PDGFRB: variants seen among roughly 807,000 people sequenced by gnomAD.
PDGFRB encodes the protein platelet-derived growth factor receptor beta.
In PDGFRB, 42 loss-of-function variants were observed where a neutral mutation model predicts 120.2. That is an observed-to-expected ratio of 0.35 (90% confidence interval 0.27 to 0.45). The LOEUF is 0.45. Ranked by LOEUF, PDGFRB falls within the 20% of genes least tolerant of loss-of-function variation. The pLI is 1.00. For synonymous variants in PDGFRB, 586 were observed against 606.8 expected (o/e 0.97, Z 0.50); for missense variants, 1,149 against 1,476.3 (o/e 0.78, Z 3.63).
intron 1 of PDGFRB, among the ~76,000 whole-genome samples, chr5:150,141,583 C>T (rs184272267): frequency 2.0e-5 from 3 of 152,230 alleles, no homozygotes; most frequent in East Asian, 1.9e-4. Context: ...CTCTGACCAA[C>T]GTGCATGTTT....
At chr5:150,150,792 C>G (rs894769347) in intron 1 of PDGFRB, among the ~76,000 whole-genome samples, 5 of 152,156 alleles carry the variant, frequency 3.3e-5, no homozygotes, top group Non-Finnish European at 7.3e-5. Context: ...CCATTCCCCC[C>G]CTCACCTCTG....
At chr5:150,144,152 C>T (rs970735052) in intron 1 of PDGFRB, among the ~76,000 whole-genome samples, 2 of 152,106 alleles carry the variant, frequency 1.3e-5, no homozygotes, top group Admixed American at 1.3e-4. Flanking sequence ...AGCACAGGCT[C>T]GGCTGCCTCT....
At position 150,132,030 on chromosome 5, in the gene PDGFRB, C is replaced by T. The variant is rs1201443547; in HGVS notation, c.1192G>A (p.Ala398Thr). The T allele has an allele frequency of 1.2e-6, 2 of 1,611,848 alleles. No individual in the cohort carries two copies. Among genetic ancestry groups the T allele is most frequent in the African/African-American group, 2.7e-5 (2 of 74,848 alleles). The change falls in exon 8 of 23, where the codon GCC becomes ACC. Residue 398 changes from alanine (A) to threonine (T), a missense_variant. Ala to Thr is a moderately conservative substitution (Grantham distance 58). This residue lies in a region of PDGFRB where 879 missense variants were observed against 1,108.6 expected (regional missense o/e 0.79). Transcript: ENST00000261799. This position sits in a 1 kb window ranked among gnomAD's most constrained non-coding sequence, Gnocchi z 5.0. Reference sequence around the variant, plus strand: ...TGGACCTCAGCATCCTCATGGAAGGCCCGCATGGTGTAGTGGCCAGCCTCT... The same window carrying T: ...TGGACCTCAGCATCCTCATGGAAGGTCCGCATGGTGTAGTGGCCAGCCTCT... ...VAEAGHYTMR[A>T]FHEDAEVQLS...
chr5:150,133,283 T>C (rs191066635), intron 6 of PDGFRB, among the ~76,000 whole-genome samples: 3 of 152,178 alleles, frequency 2.0e-5, no homozygotes, highest in African/African-American at 7.2e-5. Context: ...GGAAGTCAGG[T>C]TGGGGCTGGG....
At chr5:150,117,334 A>AT in intron 22 of PDGFRB, among the ~76,000 whole-genome samples, 1 of 152,164 alleles carries the variant, frequency 6.6e-6, no homozygotes. Context: ...ATAAGAGAGT[A>AT]TAGATAACCT....
chr5:150,138,401 C>G (rs1580813491), intron 1 of PDGFRB, among the ~76,000 whole-genome samples: 1 of 152,344 alleles, frequency 6.6e-6, no homozygotes, highest in Admixed American at 6.5e-5. Context: ...AAGTCCCCAG[C>G]TCTGGAAGTG....
rs1403990512 is a variant in PDGFRB at position 150,123,050 on chromosome 5, G to T, written c.2175C>A (p.Pro725=). ...LYSNALPVGL[P]LPSHVSLTGE... ...GGCCTCCCTCCTGGTACCTGGGCAGGGGGAGCCCAACGGGCAGAGCATTGC... is the reference window on the plus strand; with the variant it reads ...GGCCTCCCTCCTGGTACCTGGGCAGTGGGAGCCCAACGGGCAGAGCATTGC... Residue 725 remains proline, a synonymous_variant, in exon 15 of 23, where the codon CCC becomes CCA. Coordinates refer to ENST00000261799, the MANE Select transcript of PDGFRB (RefSeq NM_002609.4). 1 of 1,612,760 alleles carries T rather than the reference G, an allele frequency of 6.2e-7. No homozygotes were observed. Among genetic ancestry groups the T allele is most frequent in the African/African-American group, 1.3e-5 (1 of 74,934 alleles).
chr5:150,133,043 G>C (rs73796323), intron 6 of PDGFRB, 101 bp from the exon 7 acceptor site: 3 of 818,536 alleles, frequency 3.7e-6, no homozygotes, highest in East Asian at 2.7e-5. Context: ...CCTGGGGACC[G>C]TGCCAGCCAT....
At chr5:150,116,549 C>T (rs982252325) in intron 22 of PDGFRB, among the ~76,000 whole-genome samples, 2 of 151,790 alleles carry the variant, frequency 1.3e-5, no homozygotes, top group African/African-American at 4.8e-5. Flanking sequence ...GTGGAGGTTG[C>T]AGTGAGCCGA....
At chr5:150,125,326 G>A (rs1010587647) in intron 12 of PDGFRB, 119 bp downstream of exon 12, 1 of 798,092 alleles carries the variant, frequency 1.3e-6, no homozygotes, top group South Asian at 1.9e-5. Context: ...GGCCAGAGAA[G>A]GCAAGACACC....
intron 15 of PDGFRB, among the ~76,000 whole-genome samples, chr5:150,122,465 T>C (rs183733361): frequency 6.6e-6 from 1 of 152,350 alleles, no homozygotes; most frequent in Admixed American, 6.5e-5. Context: ...CATCTGTCTC[T>C]ATAGGCAGGA....
At chr5:150,130,701 C>G (rs2113904306) in intron 8 of PDGFRB, 39 bp from the exon 9 acceptor site, 2 of 1,606,566 alleles carry the variant, frequency 1.2e-6, no homozygotes, top group Non-Finnish European at 1.7e-6. Context: ...GCGGGAGGGT[C>G]AGGACAGTTA....
chr5:150,131,142 T>A (rs1364536712), intron 8 of PDGFRB, among the ~76,000 whole-genome samples: 1 of 152,218 alleles, frequency 6.6e-6, no homozygotes, highest in Non-Finnish European at 1.5e-5. Flanking sequence ...ATGTCATTTC[T>A]CTGCTCAAAA....
chr5:150,144,832 C>T (rs1278488090), intron 1 of PDGFRB, among the ~76,000 whole-genome samples: 3 of 152,296 alleles, frequency 2.0e-5, no homozygotes, highest in East Asian at 1.9e-4. Flanking sequence ...CTGCCTCCTG[C>T]GGTGCCTTGA....
chr5:150,124,693 G>T, intron 13 of PDGFRB, 34 bp downstream of exon 13: 1 of 1,019,480 alleles, frequency 9.8e-7, no homozygotes. Flanking sequence ...GAGAGGTGAA[G>T]GCCCAGATGT....
chr5:150,152,453 C>T (rs565887466), intron 1 of PDGFRB, among the ~76,000 whole-genome samples: 7 of 152,294 alleles, frequency 4.6e-5, no homozygotes, highest in South Asian at 2.1e-4. Context: ...TCCCTCCTAA[C>T]GCTCTGGGTC....
chr5:150,116,016 A>G, intron 22 of PDGFRB, 70 bp from the exon 23 acceptor site: 1 of 1,415,432 alleles, frequency 7.1e-7, no homozygotes. Context: ...AGTCATGAAG[A>G]GCCTTCGGTG....
intron 1 of PDGFRB, 62 bp from the exon 2 acceptor site, chr5:150,137,115 A>C: frequency 2.8e-4 from 386 of 1,378,044 alleles, no homozygotes; most frequent in Non-Finnish European, 3.6e-4. Flanking sequence ...GGGCTATCTC[A>C]CCACCTGGCT....
intron 10 of PDGFRB, among the ~76,000 whole-genome samples, chr5:150,127,517 G>A (rs1208088664): frequency 6.6e-6 from 1 of 152,212 alleles, no homozygotes; most frequent in Non-Finnish European, 1.5e-5. Flanking sequence ...GAATTACTAA[G>A]TGAATGCCAT....
Sources: gnomAD v4.1 joint callset for allele counts (sites outside exome capture counted in the v4.1 genomes callset) on GRCh38, gnomAD v4.1.1 for gene constraint, gnomAD v4.1.1 regional missense constraint, Gnocchi (gnomAD v3.1) non-coding constraint, MANE v1.5 for transcripts, NCBI Gene and HGNC (gene_info 2026-07-23, HGNC 2026-07-21) for gene names.